The following PEG3 variants were observed in gnomAD, a reference collection of about 807,000 sequenced individuals.
The protein encoded by PEG3 is paternally-expressed gene 3 protein.
Under a neutral mutation model 35.5 loss-of-function variants are expected in PEG3, and 23 were observed. The observed-to-expected ratio is 0.65, with a 90% confidence interval of 0.47 to 0.92. The LOEUF is 0.92. PEG3 is among the 40% of genes least tolerant of loss of function. The pLI, the probability that PEG3 is intolerant of heterozygous loss-of-function variation, is 0.00. For synonymous variants in PEG3, 707 were observed against 697.0 expected (o/e 1.01, Z -0.23); for missense variants, 1,960 against 1,985.3 (o/e 0.99, Z 0.24).
In PEG3 at chr19:56,812,112, T is replaced by C; in HGVS notation, c.*1563A>G. The C allele has an allele frequency of 1.0e-6, 1 of 973,956 alleles. No individual in the cohort carries two copies. The highest frequency in any genetic ancestry group is 1.2e-6 in the Non-Finnish European group (1 of 819,504). 60.3% of individuals were successfully genotyped at this position (973,956 alleles called of 1,614,324 possible). A position where few individuals can be genotyped will look rare whatever the true frequency, so the allele number is the denominator to read the frequency against. On this transcript the variant is annotated 3_prime_UTR_variant, in exon 10 of 10. Coordinates refer to ENST00000326441, the MANE Select transcript of PEG3 (RefSeq NM_006210.3). ...ATGATCTACACTTACATTTTGCAAA[T>C]CTTTTTTTTTAAATTTTTTAAATTT... is the stretch of plus-strand genomic sequence containing the variant.
rs1434551104 is a variant in PEG3, at chr19:56,814,678, T to A, written c.3764A>T (p.Gln1255Leu). The change falls in exon 10 of 10, where the codon CAG becomes CTG. Residue 1255 changes from glutamine (Q) to leucine (L), a missense_variant. Gln to Leu is a moderately radical substitution (Grantham distance 113). Transcript: ENST00000326441. This position sits in a 1 kb window ranked among gnomAD's most constrained non-coding sequence, Gnocchi z 5.8. ...GATAGCTTCCTCAGCCATCTGGCTC[T>A]GCTCCAGTAAATCATCTTCCCTATG... ...RLHREDDLLE[Q>L]SQMAEEAIIP... is the part of the protein sequence containing the mutation. 1.2e-6 allele frequency: 2 copies of A among 1,614,136 alleles called. No homozygotes were observed. Among genetic ancestry groups the A allele is most frequent in the South Asian group, 2.2e-5 (2 of 91,084 alleles).
intron 3 of PEG3, among the ~76,000 whole-genome samples, chr19:56,825,567 C>CTT (rs5828698): frequency 5.9e-5 from 9 of 151,836 alleles, no homozygotes; most frequent in Non-Finnish European, 1.0e-4. Context: ...TCAATCTCTC[C>CTT]TTTTTTTTAT....
rs1050373091 is a variant in PEG3, at chr19:56,813,333, A to G, written c.*342T>C. On this transcript the variant is annotated 3_prime_UTR_variant, in exon 10 of 10. Coordinates refer to ENST00000326441, the MANE Select transcript of PEG3 (RefSeq NM_006210.3). ...TTTGCTATTTTATATACACCTCATG[A>G]AACACTATATATACGTTACACAAGT... 2.9e-6 allele frequency: 3 copies of G among 1,018,956 alleles called. No individual in the cohort carries two copies. Among genetic ancestry groups the G allele is most frequent in the African/African-American group, 3.4e-5 (2 of 59,534 alleles). 63.1% of individuals were successfully genotyped at this position (1,018,956 alleles called of 1,614,324 possible).
intron 6 of PEG3, among the ~76,000 whole-genome samples, chr19:56,822,301 G>C (rs1251557518): frequency 2.6e-5 from 4 of 152,212 alleles, no homozygotes; most frequent in Non-Finnish European, 4.4e-5. Context: ...ACACTGGTGT[G>C]ATGATTGATT....
At position 56,824,575 on chromosome 19, in the gene PEG3, C is replaced by G. The variant is rs778055554; in HGVS notation, c.81G>C (p.Leu27Phe). 14 of 1,614,148 alleles carry G rather than the reference C, an allele frequency of 8.7e-6. No homozygotes were observed. The highest frequency in any genetic ancestry group is 1.7e-4 in the Middle Eastern group (1 of 6,060). The change falls in exon 4 of 10, where the codon TTG becomes TTC. Residue 27 changes from leucine (L) to phenylalanine (F), a missense_variant. Physicochemically the swap from Leu to Phe is conservative, Grantham distance 22. Transcript: ENST00000326441. ...CTATGATGACATCCGGCTCCTTAGT[C>G]AAGTCACTGTCTAGCTCATACAGAT... ...APNLYELDSD[L>F]TKEPDVIIGE...
chr19:56,814,329 GGCTGCTGCTGCT>G lies in PEG3; in HGVS notation c.4101_4112del (p.Ala1368_Ala1371del). Reference sequence around the variant, plus strand: ...CATGGACATTGGCTTCAACTTCCTGGGCTGCTGCTGCTGCAGCTGCTGCTGCTTCATCTTCTT... The same window carrying G: ...CATGGACATTGGCTTCAACTTCCTGGGCAGCTGCTGCTGCTTCATCTTCTT... On this transcript the variant is annotated inframe_deletion, in exon 10 of 10. Transcript: ENST00000326441. This position sits in a 1 kb window ranked among gnomAD's most constrained non-coding sequence, Gnocchi z 5.8. 6.2e-7 allele frequency: 1 copy of G among 1,613,852 alleles called. No homozygotes were observed. The highest frequency in any genetic ancestry group is 8.5e-7 in the Non-Finnish European group (1 of 1,179,900).
chr19:56,827,387 TG>T (rs2061149120), intron 2 of PEG3, among the ~76,000 whole-genome samples: 1 of 151,668 alleles, frequency 6.6e-6, no homozygotes, highest in Non-Finnish European at 1.5e-5. Flanking sequence ...CATTGAAAAA[TG>T]GAAGTTATTT....
At position 56,816,618 on chromosome 19, in the gene PEG3, A is replaced by C. The variant is rs754723356; in HGVS notation, c.1824T>G (p.Phe608Leu). The part of the protein sequence containing the change: ...RERERERGET[F>L]RPSPALNEFQ... ...ACTCATTAAGGGCTGGGCTGGGCCT[A>C]AAGGTTTCCCCGCGCTCACGTTCAC... Residue 608 changes from phenylalanine (F) to leucine (L), a missense_variant, in exon 10 of 10, where the codon TTT becomes TTG. Phe to Leu is a conservative substitution (Grantham distance 22). Transcript: ENST00000326441. 6.2e-7 allele frequency: 1 copy of C among 1,613,890 alleles called. No individual in the cohort carries two copies. Among genetic ancestry groups the C allele is most frequent in the South Asian group, 1.1e-5 (1 of 91,044 alleles).
intron 1 of PEG3, 58 bp from the exon 2 acceptor site, chr19:56,836,162 CA>C (rs1020397888): frequency 3.9e-5 from 17 of 434,366 alleles, no homozygotes; most frequent in African/African-American, 1.2e-4. Flanking sequence ...CTGGGTTCCT[CA>C]GGGGGGAACA....
intron 1 of PEG3, among the ~76,000 whole-genome samples, chr19:56,837,947 G>A (rs534530600): frequency 2.9e-4 from 44 of 152,312 alleles, no homozygotes; most frequent in Non-Finnish European, 5.3e-4. Context: ...AATGCCGGCT[G>A]CTCTATCAGA....
chr19:56,822,443 C>T (rs920751734), intron 6 of PEG3: 7 of 318,688 alleles, frequency 2.2e-5, no homozygotes, highest in Non-Finnish European at 4.0e-5. Flanking sequence ...TATGGCACTT[C>T]ATACTAGTTT....
In PEG3 at chr19:56,824,392, G is replaced by C. The variant is rs749032598; in HGVS notation, c.264C>G (p.Leu88=). The change falls in exon 4 of 10, where the codon CTC becomes CTG. Residue 88 remains leucine, a synonymous_variant. Coordinates refer to ENST00000326441, the MANE Select transcript of PEG3 (RefSeq NM_006210.3). ...ETRTKEEIIE[L]LVLEQYLTII... ...TGGTCAGGTACTGCTCAAGGACCAAGAGCTCGATGATCTCCTCCTTGGTGC... is the reference window on the plus strand; with the variant it reads ...TGGTCAGGTACTGCTCAAGGACCAACAGCTCGATGATCTCCTCCTTGGTGC... 13 of 1,614,002 alleles carry C rather than the reference G, an allele frequency of 8.1e-6. No homozygotes were observed. The highest frequency in any genetic ancestry group is 1.7e-5 in the Admixed American group (1 of 59,992).
At position 56,811,712 on chromosome 19, in the gene PEG3, A is replaced by C; in HGVS notation, c.*1963T>G. 1.0e-6 allele frequency: 1 copy of C among 985,536 alleles called. No homozygotes were observed. The highest frequency in any genetic ancestry group is 4.7e-5 in the South Asian group (1 of 21,288). The allele number at this position is 985,536 out of a possible 1,614,324, so 61.0% of individuals were successfully genotyped here. A position where few individuals can be genotyped will look rare whatever the true frequency, so the allele number is the denominator to read the frequency against. ...CATGTAGTAAACCTCACTGCCCCTCAGCTTTCCCGATGTCCGTTCCAACCT... is the reference window on the plus strand; with the variant it reads ...CATGTAGTAAACCTCACTGCCCCTCCGCTTTCCCGATGTCCGTTCCAACCT... On this transcript the variant is annotated 3_prime_UTR_variant, in exon 10 of 10. Transcript: ENST00000326441.
chr19:56,824,822 G>C (rs901127822), intron 3 of PEG3, 81 bp from the exon 4 acceptor site: 2 of 635,056 alleles, frequency 3.1e-6, no homozygotes, highest in Non-Finnish European at 5.4e-6. Context: ...CAGAGGCATC[G>C]ACAATGCTTT....
intron 3 of PEG3, among the ~76,000 whole-genome samples, chr19:56,825,999 C>G (rs2060991557): frequency 6.6e-6 from 1 of 152,174 alleles, no homozygotes; most frequent in Non-Finnish European, 1.5e-5. Flanking sequence ...ATATTATCAT[C>G]CCATGGAGCT....
intron 5 of PEG3, among the ~76,000 whole-genome samples, chr19:56,823,264 C>T (rs1370992560): frequency 6.6e-6 from 1 of 152,214 alleles, no homozygotes; most frequent in African/African-American, 2.4e-5. Context: ...GAAAGCAGTG[C>T]TCCCTATAAA....
Position 56,811,960 on chromosome 19 carries a change from T to C in PEG3, c.*1715A>G, listed in dbSNP as rs1054076007. On this transcript the variant is annotated 3_prime_UTR_variant, in exon 10 of 10. Coordinates refer to ENST00000326441, the MANE Select transcript of PEG3 (RefSeq NM_006210.3). The stretch of plus-strand genomic sequence containing the variant: ...CATTTCTGCTTCTTGCTCTCAGCTC[T>C]ACAATCTTCCTAAACTTTGACACTC... The C allele has an allele frequency of 1.3e-5, 13 of 985,308 alleles. No individual in the cohort carries two copies. The highest frequency in any genetic ancestry group is 1.0e-4 in the African/African-American group (6 of 57,238). 61.0% of individuals were successfully genotyped at this position (985,308 alleles called of 1,614,324 possible). A position where few individuals can be genotyped will look rare whatever the true frequency, so the allele number is the denominator to read the frequency against.
chr19:56,840,263 T>G (rs2146792562), intron 1 of PEG3, among the ~76,000 whole-genome samples: 1 of 152,278 alleles, frequency 6.6e-6, no homozygotes, highest in South Asian at 2.1e-4. Context: ...CCCCGGCCAG[T>G]CAGAAAGGCG....
intron 2 of PEG3, among the ~76,000 whole-genome samples, chr19:56,830,706 T>C (rs2061493324): frequency 6.6e-6 from 1 of 152,036 alleles, no homozygotes; most frequent in Non-Finnish European, 1.5e-5. Flanking sequence ...AACAAATAAA[T>C]AAATCTCCAT....
Sources: allele counts gnomAD v4.1 joint callset (sites outside exome capture counted in the v4.1 genomes callset), GRCh38; gene constraint gnomAD v4.1.1; non-coding constraint Gnocchi (gnomAD v3.1); transcripts MANE v1.5; gene names NCBI Gene and HGNC (gene_info 2026-07-23, HGNC 2026-07-21).